CERS6: variants seen among roughly 807,000 people sequenced by gnomAD.
CERS6 encodes the protein LAG1 homolog, ceramide synthase 6.
Under a neutral mutation model 56.8 loss-of-function variants are expected in CERS6, and 26 were observed. That is an observed-to-expected ratio of 0.46 (90% confidence interval 0.34 to 0.63). CERS6 has a LOEUF of 0.63. Among genes scored for constraint, CERS6 ranks in the 30% least tolerant of loss-of-function variants. CERS6 has a pLI of 0.01. For synonymous variants in CERS6, 164 were observed against 173.3 expected (o/e 0.95, Z 0.42); for missense variants, 415 against 467.5 (o/e 0.89, Z 1.04).
At chr2:168,458,190 T>C (rs1304783651) in intron 1 of CERS6, among the ~76,000 whole-genome samples, 1 of 152,222 alleles carries the variant, frequency 6.6e-6, no homozygotes, top group Non-Finnish European at 1.5e-5. Context: ...GTAGGGGATC[T>C]ACACACAATT....
In CERS6 at chr2:168,684,205, CAGG is replaced by C. The variant is rs1261749450; in HGVS notation, c.466-6826_466-6824del. On this transcript the variant is annotated intron_variant, in intron 4 of 9. Coordinates refer to ENST00000305747, the MANE Select transcript of CERS6 (RefSeq NM_203463.3). ...TCAAGTCCAAATTACATTTCCACATCAGGAGAACTTTCAAGGCTAATGCAGATG... is the reference window on the plus strand; with the variant it reads ...TCAAGTCCAAATTACATTTCCACATCAGAACTTTCAAGGCTAATGCAGATG... Among the ~76,000 whole-genome samples the C allele has an allele frequency of 1.7e-4, 26 of 152,152 alleles. 1 individual carries two copies. Among genetic ancestry groups the C allele is most frequent in the Admixed American group, 1.7e-3 (26 of 15,272 alleles).
At chr2:168,665,574 C>A (rs1189044647) in intron 4 of CERS6, among the ~76,000 whole-genome samples, 2 of 152,142 alleles carry the variant, frequency 1.3e-5, no homozygotes, top group Non-Finnish European at 2.9e-5. Flanking sequence ...CCTTAACCTT[C>A]TCTTCATTTT....
intron 6 of CERS6, among the ~76,000 whole-genome samples, chr2:168,708,787 C>G (rs1438973562): frequency 6.6e-6 from 1 of 152,054 alleles, no homozygotes; most frequent in East Asian, 1.9e-4. Flanking sequence ...TCTAAATTCC[C>G]TTTATAAAGA....
At position 168,484,140 on chromosome 2, in the gene CERS6, T is replaced by TTTTTTC. The variant is rs202174227; in HGVS notation, c.170+27540_170+27545dup. Among the ~76,000 whole-genome samples the TTTTTTC allele has an allele frequency of 5.3e-5, 8 of 151,256 alleles. No individual in the cohort carries two copies. The East Asian group carries it at 5.8e-4, about 11-fold the overall frequency. ...AAATGCTGTTGTTTTTAGTACCTAT[T>TTTTTTC]TTTTTCTTTTTCTTTTTCTTTTTTC... On this transcript the variant is annotated intron_variant, in intron 1 of 9. Coordinates refer to ENST00000305747, the MANE Select transcript of CERS6 (RefSeq NM_203463.3).
intron 4 of CERS6, among the ~76,000 whole-genome samples, chr2:168,673,600 G>A (rs1320136167): frequency 6.6e-6 from 1 of 152,208 alleles, no homozygotes; most frequent in Non-Finnish European, 1.5e-5. Flanking sequence ...GCAGCCAGAT[G>A]GGAGAATTGG....
At chr2:168,694,854 G>C (rs1467591758) in intron 5 of CERS6, 105 bp from the exon 6 acceptor site, 1 of 822,194 alleles carries the variant, frequency 1.2e-6, no homozygotes. Flanking sequence ...CCTTTGTGCA[G>C]GTGCAAGACC....
At chr2:168,692,657 A>G (rs906078754) in intron 5 of CERS6, among the ~76,000 whole-genome samples, 1 of 152,156 alleles carries the variant, frequency 6.6e-6, no homozygotes, top group African/African-American at 2.4e-5. Flanking sequence ...GATTCAGCAT[A>G]TAGCCCCCAA....
At chr2:168,698,086 A>G (rs1377356877) in intron 6 of CERS6, among the ~76,000 whole-genome samples, 1 of 152,116 alleles carries the variant, frequency 6.6e-6, no homozygotes, top group Non-Finnish European at 1.5e-5. Context: ...ACTTGAGCTC[A>G]CAAGTTCAAG....
chr2:168,677,294 T>G (rs928428225), intron 4 of CERS6, among the ~76,000 whole-genome samples: 1 of 152,084 alleles, frequency 6.6e-6, no homozygotes, highest in Non-Finnish European at 1.5e-5. Flanking sequence ...CCTGTGTTAG[T>G]TTGCTGAGAA....
intron 2 of CERS6, among the ~76,000 whole-genome samples, chr2:168,560,873 T>A (rs1331208731): frequency 6.6e-6 from 1 of 152,198 alleles, no homozygotes; most frequent in Non-Finnish European, 1.5e-5. Context: ...CTGATGAGGC[T>A]GACTCAGTTT....
intron 8 of CERS6, among the ~76,000 whole-genome samples, chr2:168,754,685 G>T (rs1252949184): frequency 6.6e-6 from 1 of 152,196 alleles, no homozygotes; most frequent in Non-Finnish European, 1.5e-5. Flanking sequence ...TTCCTGTCTT[G>T]CCAGCCTGAA....
intron 3 of CERS6, among the ~76,000 whole-genome samples, chr2:168,580,189 T>C (rs545404322): frequency 1.5e-4 from 23 of 152,326 alleles, no homozygotes; most frequent in African/African-American, 5.5e-4. Context: ...ACACATTTGT[T>C]TTTTTTCCAC....
intron 3 of CERS6, among the ~76,000 whole-genome samples, chr2:168,565,614 C>G (rs1294219742): frequency 6.6e-6 from 1 of 152,180 alleles, no homozygotes; most frequent in African/African-American, 2.4e-5. Context: ...CACCAGTATG[C>G]AAGCCAAACT....
intron 1 of CERS6, among the ~76,000 whole-genome samples, chr2:168,496,547 G>C (rs1694474800): frequency 6.6e-6 from 1 of 152,170 alleles, no homozygotes; most frequent in African/African-American, 2.4e-5. Flanking sequence ...CCCGCACACA[G>C]AGTTCAGCTC....
intron 4 of CERS6, among the ~76,000 whole-genome samples, chr2:168,673,373 A>G (rs1046337318): frequency 7.9e-5 from 12 of 152,280 alleles, no homozygotes; most frequent in East Asian, 3.9e-4. Context: ...CAGTGATTCA[A>G]AAGTCTAAAT....
intron 4 of CERS6, among the ~76,000 whole-genome samples, chr2:168,641,888 A>T (rs1685061164): frequency 4.4e-5 from 1 of 22,874 alleles, no homozygotes; most frequent in African/African-American, 1.0e-4. Context: ...TACTTGAGTA[A>T]TGGAATAAAA....
At chr2:168,587,523 C>G (rs1470891456) in intron 3 of CERS6, among the ~76,000 whole-genome samples, 1 of 152,172 alleles carries the variant, frequency 6.6e-6, no homozygotes, top group African/African-American at 2.4e-5. Flanking sequence ...TTTTCTTGGC[C>G]TCTGCCTCAA....
At chr2:168,764,212 T>G (rs1032478644) in intron 8 of CERS6, among the ~76,000 whole-genome samples, 2 of 152,092 alleles carry the variant, frequency 1.3e-5, no homozygotes, top group African/African-American at 4.8e-5. Context: ...GCACGATCTC[T>G]GCTCACTGCA....
At chr2:168,661,863 T>A (rs903375408) in intron 4 of CERS6, among the ~76,000 whole-genome samples, 1 of 152,236 alleles carries the variant, frequency 6.6e-6, no homozygotes, top group African/African-American at 2.4e-5. Context: ...GATGGAAATG[T>A]TACACTGGTA....
Sources: gnomAD v4.1 joint callset for allele counts (sites outside exome capture counted in the v4.1 genomes callset) on GRCh38, gnomAD v4.1.1 for gene constraint, MANE v1.5 for transcripts, NCBI Gene and HGNC (gene_info 2026-07-23, HGNC 2026-07-21) for gene names.